Variants in OTOG observed in about 807,000 individuals in gnomAD.
OTOG encodes otogelin.
In OTOG, 296 loss-of-function variants were observed where a neutral mutation model predicts 313.8. That is an observed-to-expected ratio of 0.94 (90% CI 0.86 to 1.04). OTOG has a LOEUF of 1.04. OTOG is among the 50% of genes least tolerant of loss of function. The pLI, the probability that OTOG is intolerant of heterozygous loss-of-function variation, is 0.00. For synonymous variants in OTOG, 1,533 were observed against 1,554.9 expected (o/e 0.99, Z 0.33); for missense variants, 3,948 against 3,840.1 (o/e 1.03, Z -0.74).
In OTOG at chr11:17,610,288, C is replaced by T. The variant is rs1286731768; in HGVS notation, c.4988C>T (p.Ser1663Phe). The change falls in exon 36 of 56, where the codon TCC becomes TTC. Residue 1663 changes from serine (S) to phenylalanine (F), a missense_variant. Physicochemically the swap from Ser to Phe is radical, Grantham distance 155. Transcript: ENST00000399397. ...AISRSPTSSG[S>F]HKAVLTPAVT... ...TCCAGGTCCCCCACCTCCTCGGGAT[C>T]CCACAAGGCTGTGCTGACACCTGCA... 6.4e-7 allele frequency: 1 copy of T among 1,550,692 alleles called. No homozygotes were observed.
At chr11:17,558,906 G>C in intron 10 of OTOG, 146 bp from the exon 11 acceptor site, 3 of 749,208 alleles carry the variant, frequency 4.0e-6, no homozygotes, top group Admixed American at 2.1e-5. Context: ...CTAGGGATCT[G>C]TTCACCTAGA....
At chr11:17,596,254 A>C in intron 29 of OTOG, 100 bp downstream of exon 29, 1 of 877,288 alleles carries the variant, frequency 1.1e-6, no homozygotes, top group South Asian at 1.5e-5. Flanking sequence ...GAGACAGCTC[A>C]GATCTCCAGG....
At chr11:17,601,987 C>A (rs151314745) in intron 31 of OTOG, among the ~76,000 whole-genome samples, 58 of 152,276 alleles carry the variant, frequency 3.8e-4, no homozygotes, top group Admixed American at 3.3e-3. Context: ...GACTCAGGCA[C>A]TGTGCAGTGG....
At chr11:17,635,561 G>A (rs1854244369) in intron 46 of OTOG, 49 bp from the exon 47 acceptor site, 1 of 1,435,270 alleles carries the variant, frequency 7.0e-7, no homozygotes, top group Non-Finnish European at 9.6e-7. Context: ...TGTGTGCCAG[G>A]CCCCTATGAG....
At position 17,560,756 on chromosome 11, in the gene OTOG, TGTGA is replaced by T; in HGVS notation, c.1393_1396del (p.Glu465PhefsTer12). On this transcript the variant is annotated frameshift_variant, in exon 13 of 56. Coordinates refer to ENST00000399397, the MANE Select transcript of OTOG (RefSeq NM_001292063.2). LOFTEE classifies it high-confidence loss of function. ...CTGCGTGGCACCAGCTGAGTGTCCC[TGTGA>T]GTTTCACGGGACTCTGTACCCACCT... 1 of 1,550,700 alleles carries T rather than the reference TGTGA, an allele frequency of 6.4e-7. No individual in the cohort carries two copies. The highest frequency in any genetic ancestry group is 8.7e-7 in the Non-Finnish European group (1 of 1,146,996).
chr11:17,577,384 TGG>T (rs895424098), intron 22 of OTOG, among the ~76,000 whole-genome samples: 1 of 78,048 alleles, frequency 1.3e-5, no homozygotes, highest in African/African-American at 3.1e-5. Flanking sequence ...GGTCGTGGGA[TGG>T]GGGTCAACCT....
chr11:17,628,333 G>C (rs1313404850), intron 39 of OTOG, among the ~76,000 whole-genome samples: 1 of 152,032 alleles, frequency 6.6e-6, no homozygotes, highest in African/African-American at 2.4e-5. Context: ...TGACATTCAG[G>C]AGCATATAAA....
Position 17,557,240 on chromosome 11 carries a change from T to A in OTOG, c.782T>A (p.Met261Lys). The change falls in exon 8 of 56, where the codon ATG (methionine) becomes AAG (lysine). Residue 261 changes from methionine (M) to lysine (K), a missense_variant. Met to Lys is a moderately conservative substitution (Grantham distance 95). Transcript: ENST00000399397. ...GGTGCCTCGGCTGTCTACATCAAGATGAGTCCAGAGCTTCTGGGCTGGACC... is the reference window on the plus strand; with the variant it reads ...GGTGCCTCGGCTGTCTACATCAAGAAGAGTCCAGAGCTTCTGGGCTGGACC... The part of the protein sequence containing the change: ...WDGASAVYIK[M>K]SPELLGWTHG... 1 of 1,550,650 alleles carries A rather than the reference T, an allele frequency of 6.4e-7. No homozygotes were observed. Among genetic ancestry groups the A allele is most frequent in the Non-Finnish European group, 8.7e-7 (1 of 1,147,016 alleles).
At chr11:17,591,805 T>C (rs954759948) in intron 25 of OTOG, among the ~76,000 whole-genome samples, 2 of 152,214 alleles carry the variant, frequency 1.3e-5, no homozygotes, top group African/African-American at 4.8e-5. Flanking sequence ...CTCACCATTA[T>C]AATCTTGCTC....
chr11:17,645,622 T>C lies in OTOG; in HGVS notation c.8520T>C (p.Asn2840=). The change falls in exon 55 of 56, where the codon AAT becomes AAC. Residue 2840 remains asparagine, a synonymous_variant. Transcript: ENST00000399397. ...CCATCCGCATGACCATCCGCAAGAA[T>C]GAATGCAGGAGCAGCACCCCTGTGC... ...KVTIRMTIRK[N]ECRSSTPVNL... 6.4e-7 allele frequency: 1 copy of C among 1,550,610 alleles called. No homozygotes were observed.
At chr11:17,583,447 A>T (rs1276999947) in intron 23 of OTOG, among the ~76,000 whole-genome samples, 1 of 152,186 alleles carries the variant, frequency 6.6e-6, no homozygotes, top group African/African-American at 2.4e-5. Flanking sequence ...TAGCTTTTAC[A>T]TTTAAGCCTA....
intron 15 of OTOG, among the ~76,000 whole-genome samples, chr11:17,563,827 C>T (rs113281622): frequency 9.3e-5 from 14 of 150,862 alleles, no homozygotes; most frequent in African/African-American, 2.9e-4. Flanking sequence ...ACCACAGACA[C>T]GTGCCACCAC....
intron 40 of OTOG, among the ~76,000 whole-genome samples, chr11:17,629,964 T>C (rs1050592193): frequency 1.3e-5 from 2 of 151,742 alleles, no homozygotes; most frequent in African/African-American, 4.9e-5. Context: ...ATGGGTGAGA[T>C]AAAAACACTT....
In OTOG at chr11:17,578,383, C is replaced by T; in HGVS notation, c.2616C>T (p.Cys872=). Residue 872 remains cysteine (C), a synonymous_variant, in exon 23 of 56, where the codon TGC becomes TGT. Coordinates refer to ENST00000399397, the MANE Select transcript of OTOG (RefSeq NM_001292063.2). ...SCDSRAPAAA[C]PAGQVFVNCS... is the part of the protein sequence containing the mutation. ...CTTCTTCTCTTCCAGCTGCTGCCTG[C>T]CCAGCAGGCCAGGTCTTCGTGAACT... 1 of 1,515,744 alleles carries T rather than the reference C, an allele frequency of 6.6e-7. No individual in the cohort carries two copies. Among genetic ancestry groups the T allele is most frequent in the Non-Finnish European group, 8.8e-7 (1 of 1,132,180 alleles). 93.9% of individuals were successfully genotyped at this position (1,515,744 alleles called of 1,614,324 possible).
chr11:17,645,588 A>G lies in OTOG; in HGVS notation c.8486A>G (p.Lys2829Arg), dbSNP rs986053696. The G allele has an allele frequency of 1.6e-5, 25 of 1,550,542 alleles. No homozygotes were observed. Among genetic ancestry groups the G allele is most frequent in the Non-Finnish European group, 2.1e-5 (24 of 1,147,022 alleles). ...RTCKEDGRSC[K>R]KVTIRMTIRK... ...GGTAAGGAGGATGGGCGCTCCTGCAAGAAGGTGACCATCCGCATGACCATC... is the reference window on the plus strand; with the variant it reads ...GGTAAGGAGGATGGGCGCTCCTGCAGGAAGGTGACCATCCGCATGACCATC... The change falls in exon 55 of 56, where the codon AAG becomes AGG. Residue 2829 changes from lysine (K) to arginine (R), a missense_variant. Transcript: ENST00000399397.
intron 39 of OTOG, among the ~76,000 whole-genome samples, chr11:17,614,918 G>A (rs1415063722): frequency 6.6e-6 from 1 of 152,210 alleles, no homozygotes; most frequent in African/African-American, 2.4e-5. Context: ...CAGGAAGGAT[G>A]TATTTAGCTT....
In OTOG at chr11:17,586,476, T is replaced by A; in HGVS notation, c.2762T>A (p.Leu921Gln). The stretch of plus-strand genomic sequence containing the variant: ...GCCTGCTTGCTGTGTCTCTACAGTC[T>A]GCTCAGACACGGGGATGCATGTTTC... ...CLSGCACPQG[L>Q]LRHGDACFLP... Residue 921 changes from leucine to glutamine, a missense_variant and splice_region_variant, in exon 24 of 56, where the codon CTG becomes CAG. Transcript: ENST00000399397. 7.1e-7 allele frequency: 1 copy of A among 1,408,188 alleles called. No homozygotes were observed. The highest frequency in any genetic ancestry group is 9.3e-7 in the Non-Finnish European group (1 of 1,075,614). The allele number at this position is 1,408,188 out of a possible 1,614,324, so 87.2% of individuals were successfully genotyped here. A position where few individuals can be genotyped will look rare whatever the true frequency, so the allele number is the denominator to read the frequency against.
In OTOG at chr11:17,610,030, C is replaced by A. The variant is rs1166777691; in HGVS notation, c.4730C>A (p.Pro1577His). ...TCCCTCCCTGTTGCACTGCAGACAC[C>A]CACACCTGGCATGGTGTCAGGTGCC... is the stretch of plus-strand genomic sequence containing the variant. ...SSSLPVALQT[P>H]TPGMVSGAME... The change falls in exon 36 of 56, where the codon CCC becomes CAC. Residue 1577 changes from proline to histidine, a missense_variant. Physicochemically the swap from Pro to His is moderately conservative, Grantham distance 77 (BLOSUM62 -2). Coordinates refer to ENST00000399397, the MANE Select transcript of OTOG (RefSeq NM_001292063.2). 6 of 1,548,698 alleles carry A rather than the reference C, an allele frequency of 3.9e-6. No individual in the cohort carries two copies. Among genetic ancestry groups the A allele is most frequent in the Non-Finnish European group, 5.2e-6 (6 of 1,145,710 alleles).
chr11:17,548,456 T>A lies in OTOG; in HGVS notation c.216+244T>A, dbSNP rs947297014. 5.4e-3 allele frequency among the ~76,000 whole-genome samples: 472 copies of A among 88,124 alleles called. 8 individuals carry two copies. Among genetic ancestry groups the A allele is most frequent in the African/African-American group, 0.023 (449 of 19,402 alleles). The allele number at this position is 88,124 out of a possible 152,430, so 57.8% of individuals were successfully genotyped here. On this transcript the variant is annotated intron_variant, in intron 3 of 55. Transcript: ENST00000399397. ...TTTTTTTTTTTTTTTTTTTTTTTTT[T>A]AGGAGAGGTGGGCACCAGGGCTCTT...
Sources: gnomAD v4.1 joint callset for allele counts (sites outside exome capture counted in the v4.1 genomes callset) on GRCh38, gnomAD v4.1.1 for gene constraint, MANE v1.5 for transcripts, NCBI Gene and HGNC (gene_info 2026-07-23, HGNC 2026-07-21) for gene names.